Variants in SLIT2 observed in about 807,000 individuals in gnomAD.
The protein encoded by SLIT2 is slit guidance ligand 2, also known as slit homolog 2 protein.
In SLIT2, 41 loss-of-function variants were observed where a neutral mutation model predicts 185.7. That is an observed-to-expected ratio of 0.22 (90% confidence interval 0.17 to 0.29). The LOEUF (loss-of-function observed/expected upper bound fraction) is 0.29. Among genes scored for constraint, SLIT2 ranks in the 10% least tolerant of loss-of-function variants. The pLI, the probability that SLIT2 is intolerant of heterozygous loss-of-function variation, is 1.00. For synonymous variants in SLIT2, 693 were observed against 680.2 expected, an observed-to-expected ratio of 1.02 and a Z score of -0.29; for missense variants, 1,571 against 1,909.0, an observed-to-expected ratio of 0.82 and a Z score of 3.30.
intron 29 of SLIT2, among the ~76,000 whole-genome samples, chr4:20,586,416 A>C (rs777856593): frequency 1.3e-5 from 2 of 152,210 alleles, no homozygotes; most frequent in Non-Finnish European, 2.9e-5. Context: ...AATGACTATT[A>C]TTTGAGTATG....
rs114552117 is a variant in SLIT2, at chr4:20,568,515, T to C, written c.2949-350T>C. On this transcript the variant is annotated intron_variant, in intron 28 of 36. Transcript: ENST00000504154. ...TCATTTATGAGCAAAGAAGCCTGAA[T>C]TATTTTATTAGAGCACAACTCAAGA... 8.6e-3 allele frequency among the ~76,000 whole-genome samples: 1,312 copies of C among 152,140 alleles called. 16 individuals are homozygous for C. The highest frequency in any genetic ancestry group is 0.029 in the African/African-American group (1,224 of 41,548).
Position 20,330,641 on chromosome 4 carries a change from G to A in SLIT2, c.395+61760G>A, listed in dbSNP as rs151099594. On this transcript the variant is annotated intron_variant, in intron 4 of 36. Coordinates refer to ENST00000504154, the MANE Select transcript of SLIT2 (RefSeq NM_004787.4). ...AGAAGATAGATATTTATGTTTGTTAGCATATACACACCAATTCTAATTTCT... is the reference window on the plus strand; with the variant it reads ...AGAAGATAGATATTTATGTTTGTTAACATATACACACCAATTCTAATTTCT... Among the ~76,000 whole-genome samples, 140 of 152,072 alleles carry A rather than the reference G, an allele frequency of 9.2e-4. 1 individual carries two copies. The highest frequency in any genetic ancestry group is 3.1e-3 in the African/African-American group (130 of 41,522).
chr4:20,522,207 C>T (rs904831886), intron 12 of SLIT2, among the ~76,000 whole-genome samples: 19 of 152,084 alleles, frequency 1.2e-4, no homozygotes, highest in South Asian at 2.1e-4. Context: ...ACATTGTTTC[C>T]ACTCTGAATG....
intron 18 of SLIT2, among the ~76,000 whole-genome samples, chr4:20,535,223 C>T (rs890318865): frequency 2.0e-5 from 3 of 151,852 alleles, no homozygotes; most frequent in Non-Finnish European, 2.9e-5. Context: ...CGCTTGATCC[C>T]GGGAGGCGGA....
chr4:20,595,120 A>G (rs757127719), intron 30 of SLIT2, among the ~76,000 whole-genome samples: 5 of 152,086 alleles, frequency 3.3e-5, no homozygotes, highest in South Asian at 2.1e-4. Flanking sequence ...ATCCTAACCC[A>G]TTATGTCAGT....
chr4:20,496,154 A>T (rs1346042055), intron 9 of SLIT2, among the ~76,000 whole-genome samples: 1 of 152,232 alleles, frequency 6.6e-6, no homozygotes, highest in Non-Finnish European at 1.5e-5. Flanking sequence ...AAAAGAAAGT[A>T]TATGTATGCC....
chr4:20,461,464 A>G (rs1713702118), intron 4 of SLIT2, among the ~76,000 whole-genome samples: 1 of 152,210 alleles, frequency 6.6e-6, no homozygotes, highest in Non-Finnish European at 1.5e-5. Context: ...CCTTTATGAC[A>G]CTTTGAGCTT....
intron 22 of SLIT2, among the ~76,000 whole-genome samples, chr4:20,546,481 T>C (rs2148885604): frequency 6.6e-6 from 1 of 152,232 alleles, no homozygotes; most frequent in East Asian, 1.9e-4. Flanking sequence ...TGGTAGGTGG[T>C]AATGACTTTC....
At chr4:20,466,207 G>A (rs992110101) in intron 4 of SLIT2, among the ~76,000 whole-genome samples, 2 of 151,912 alleles carry the variant, frequency 1.3e-5, no homozygotes, top group Admixed American at 6.6e-5. Context: ...TGTCATCGAG[G>A]CTTTTAAATA....
At chr4:20,518,255 A>ATATTTTT (rs1553916513) in intron 11 of SLIT2, among the ~76,000 whole-genome samples, 1 of 87,514 alleles carries the variant, frequency 1.1e-5, no homozygotes, top group Admixed American at 1.5e-4. Context: ...ATATATATAT[A>ATATTTTT]TTTTTTTTTT....
chr4:20,572,358 A>G (rs1052981213), intron 29 of SLIT2, among the ~76,000 whole-genome samples: 3 of 152,250 alleles, frequency 2.0e-5, no homozygotes, highest in African/African-American at 7.2e-5. Context: ...TCCCTATACT[A>G]TTAAGAAAGT....
At chr4:20,381,291 T>C (rs1329067585) in intron 4 of SLIT2, among the ~76,000 whole-genome samples, 1 of 151,022 alleles carries the variant, frequency 6.6e-6, no homozygotes, top group Non-Finnish European at 1.5e-5. Context: ...TGAAAACCAG[T>C]GATGAAGAGA....
intron 4 of SLIT2, among the ~76,000 whole-genome samples, chr4:20,445,427 A>G (rs1202826261): frequency 1.1e-4 from 16 of 152,222 alleles, no homozygotes; most frequent in Admixed American, 1.0e-3. Context: ...ATTAAAGAAG[A>G]CGTTTAAAAG....
intron 4 of SLIT2, among the ~76,000 whole-genome samples, chr4:20,288,436 GCA>G (rs1715484290): frequency 6.6e-6 from 1 of 152,206 alleles, no homozygotes; most frequent in African/African-American, 2.4e-5. Flanking sequence ...ATTACTGAGT[GCA>G]TGTGCTCTGC....
intron 1 of SLIT2, among the ~76,000 whole-genome samples, chr4:20,256,248 T>G (rs192302101): frequency 6.6e-6 from 1 of 152,024 alleles, no homozygotes; most frequent in East Asian, 2.0e-4. Flanking sequence ...TTCTGAATTT[T>G]TATAAAATTT....
intron 4 of SLIT2, among the ~76,000 whole-genome samples, chr4:20,342,824 T>C (rs1179857273): frequency 6.9e-6 from 1 of 145,506 alleles, no homozygotes; most frequent in Admixed American, 7.3e-5. Flanking sequence ...CTGTGGATAG[T>C]GGTACATGAT....
intron 5 of SLIT2, among the ~76,000 whole-genome samples, chr4:20,479,425 C>T (rs2148775630): frequency 6.6e-6 from 1 of 152,152 alleles, no homozygotes; most frequent in South Asian, 2.1e-4. Flanking sequence ...GAACTTGAAA[C>T]GAGGACAGGA....
chr4:20,476,327 G>A (rs1465900789), intron 5 of SLIT2, among the ~76,000 whole-genome samples: 2 of 151,848 alleles, frequency 1.3e-5, no homozygotes, highest in Non-Finnish European at 2.9e-5. Flanking sequence ...GTTTTATTTG[G>A]TTTCTTTACA....
Position 20,383,519 on chromosome 4 carries a change from A to G in SLIT2, c.396-84233A>G, listed in dbSNP as rs78128432. On this transcript the variant is annotated intron_variant, in intron 4 of 36. Coordinates refer to ENST00000504154, the MANE Select transcript of SLIT2 (RefSeq NM_004787.4). Reference sequence around the variant, plus strand: ...AAAGTTACAAATGCAATGATATACCACTAAGCACACACTTGAATGGCTAAG... The same window carrying G: ...AAAGTTACAAATGCAATGATATACCGCTAAGCACACACTTGAATGGCTAAG... Among the ~76,000 whole-genome samples the G allele has an allele frequency of 1.7e-3, 260 of 152,288 alleles. 2 individuals are homozygous for G. Among genetic ancestry groups the G allele is most frequent in the African/African-American group, 6.1e-3 (254 of 41,568 alleles).
Sources: allele counts gnomAD v4.1 joint callset (sites outside exome capture counted in the v4.1 genomes callset), GRCh38; gene constraint gnomAD v4.1.1; transcripts MANE v1.5; gene names NCBI Gene and HGNC (gene_info 2026-07-23, HGNC 2026-07-21).